The following ARHGAP29 variants were observed in gnomAD, a reference collection of about 807,000 sequenced individuals.
ARHGAP29 encodes the protein Rho GTPase activating protein 29.
Under a neutral mutation model 122.6 loss-of-function variants are expected in ARHGAP29, and 43 were observed. That is an observed-to-expected ratio of 0.35 (90% CI 0.27 to 0.45). ARHGAP29 has a LOEUF of 0.45. Among genes scored for constraint, ARHGAP29 ranks in the 20% least tolerant of loss-of-function variants. ARHGAP29 has a pLI of 1.00. For missense variants in ARHGAP29, 1,303 were observed against 1,477.2 expected, an observed-to-expected ratio of 0.88 and a Z score of 1.93; for synonymous variants, 506 against 497.1, an observed-to-expected ratio of 1.02 and a Z score of -0.24.
chr1:94,217,754 TG>T (rs1652034480), intron 3 of ARHGAP29, among the ~76,000 whole-genome samples: 1 of 151,842 alleles, frequency 6.6e-6, no homozygotes, highest in South Asian at 2.1e-4. Flanking sequence ...GACACTGAGG[TG>T]GGAGGATTGC....
Position 94,185,482 on chromosome 1 carries a change from C to CAATG in ARHGAP29, c.1781-2_1781-1insCATT. On this transcript the variant is annotated splice_acceptor_variant, in intron 16 of 22. Coordinates refer to ENST00000260526, the MANE Select transcript of ARHGAP29 (RefSeq NM_004815.4). LOFTEE classifies it high-confidence loss of function. Reference sequence around the variant, plus strand: ...TTAAATGTTCCAAGGGAATTGGGTCCTTGCAAGAGAAATAATTTACAAAAA... The same window carrying CAATG: ...TTAAATGTTCCAAGGGAATTGGGTCCAATGTTGCAAGAGAAATAATTTACAAAAA... The CAATG allele has an allele frequency of 6.3e-7, 1 of 1,587,266 alleles. No individual in the cohort carries two copies. Among genetic ancestry groups the CAATG allele is most frequent in the Non-Finnish European group, 8.5e-7 (1 of 1,170,164 alleles).
At chr1:94,246,495 A>G (rs1297344191) in intron 1 of ARHGAP29, among the ~76,000 whole-genome samples, 1 of 152,154 alleles carries the variant, frequency 6.6e-6, no homozygotes, top group African/African-American at 2.4e-5. Context: ...ATCTCCTAAC[A>G]TTCCCCTTCC....
At chr1:94,285,219 T>C in the ARHGAP29 span, among the ~76,000 whole-genome samples, 8 of 152,118 alleles carry the variant, frequency 5.3e-5, no homozygotes, top group Admixed American at 4.6e-4. Context: ...GACAGTGTGT[T>C]TTGTTGACTG....
chr1:94,175,863 C>A (rs1402778722), intron 22 of ARHGAP29, among the ~76,000 whole-genome samples: 1 of 152,022 alleles, frequency 6.6e-6, no homozygotes, highest in Non-Finnish European at 1.5e-5. Context: ...TGCTACCATG[C>A]CCAGATAATT....
intron 22 of ARHGAP29, 130 bp downstream of exon 22, chr1:94,177,482 C>A: frequency 1.7e-6 from 1 of 587,982 alleles, no homozygotes; most frequent in Non-Finnish European, 2.8e-6. Context: ...CAATGGCTAG[C>A]CAAGATTTGT....
upstream of ARHGAP29, among the ~76,000 whole-genome samples, chr1:94,241,123 A>C (rs1653555470): frequency 6.6e-6 from 1 of 152,222 alleles, no homozygotes. Context: ...CAATAGTGTC[A>C]AGGTGAAACA....
At chr1:94,265,084 G>T (rs146867971) in intron 1 of ARHGAP29, among the ~76,000 whole-genome samples, 13 of 152,328 alleles carry the variant, frequency 8.5e-5, no homozygotes, top group Admixed American at 3.9e-4. Context: ...ATGGCAGTTT[G>T]CCAGCTGCAT....
chr1:94,227,795 G>A (rs952811624), intron 2 of ARHGAP29, among the ~76,000 whole-genome samples: 1 of 151,742 alleles, frequency 6.6e-6, no homozygotes, highest in African/African-American at 2.4e-5. Flanking sequence ...CCATAAACCT[G>A]AATTGGTACT....
At chr1:94,305,501 T>C in the ARHGAP29 span, among the ~76,000 whole-genome samples, 1 of 152,106 alleles carries the variant, frequency 6.6e-6, no homozygotes, top group African/African-American at 2.4e-5. Context: ...TTCAGACCAT[T>C]TGGGCAGATG....
intron 1 of ARHGAP29, among the ~76,000 whole-genome samples, chr1:94,267,819 G>T (rs1455587050): frequency 6.6e-6 from 1 of 152,002 alleles, no homozygotes; most frequent in Non-Finnish European, 1.5e-5. Context: ...CAGGAAAAAG[G>T]CTTAACACTG....
At chr1:94,233,128 T>A (rs1043624961) in intron 1 of ARHGAP29, among the ~76,000 whole-genome samples, 1 of 152,000 alleles carries the variant, frequency 6.6e-6, no homozygotes, top group Non-Finnish European at 1.5e-5. Context: ...AAAAAATTTT[T>A]TTTTTGTAGA....
chr1:94,221,581 G>A (rs1359875289), intron 2 of ARHGAP29, among the ~76,000 whole-genome samples: 2 of 149,378 alleles, frequency 1.3e-5, no homozygotes, highest in Non-Finnish European at 1.5e-5. Flanking sequence ...ACACATTTCT[G>A]TATGACTACA....
chr1:94,230,807 A>C (rs1652879590), intron 2 of ARHGAP29, among the ~76,000 whole-genome samples: 1 of 151,910 alleles, frequency 6.6e-6, no homozygotes, highest in Non-Finnish European at 1.5e-5. Flanking sequence ...AAAGACAGGT[A>C]CTAAGAACAA....
chr1:94,239,841 A>G (rs1653509295), upstream of ARHGAP29, among the ~76,000 whole-genome samples: 1 of 152,184 alleles, frequency 6.6e-6, no homozygotes, highest in Admixed American at 6.5e-5. Context: ...TATTTTTCAG[A>G]CTTAATTTTT....
At chr1:94,293,316 G>A in the ARHGAP29 span, among the ~76,000 whole-genome samples, 14 of 152,330 alleles carry the variant, frequency 9.2e-5, no homozygotes, top group African/African-American at 2.9e-4. Flanking sequence ...CTGGTCTGCC[G>A]GTTGCAAAGA....
chr1:94,179,964 A>G lies in ARHGAP29; in HGVS notation c.2248-7T>C, dbSNP rs893893374. 6.4e-7 allele frequency: 1 copy of G among 1,570,448 alleles called. No individual in the cohort carries two copies. The highest frequency in any genetic ancestry group is 1.9e-5 in the Admixed American group (1 of 53,232). On this transcript the variant is annotated splice_region_variant and splice_polypyrimidine_tract_variant and intron_variant, in intron 19 of 22. Transcript: ENST00000260526. ...AAATAAATGGTTCTGGGAGCTAAAG[A>G]AATAAAATTACATTGGGGTAAGCAT...
chr1:94,264,505 C>T (rs1654684672), intron 1 of ARHGAP29, among the ~76,000 whole-genome samples: 1 of 152,152 alleles, frequency 6.6e-6, no homozygotes, highest in African/African-American at 2.4e-5. Flanking sequence ...AGTGGTTCTC[C>T]CTAATGCCCC....
chr1:94,257,605 G>A (rs1331172391), intron 1 of ARHGAP29, among the ~76,000 whole-genome samples: 1 of 152,076 alleles, frequency 6.6e-6, no homozygotes, highest in Non-Finnish European at 1.5e-5. Flanking sequence ...AGCTACTTGG[G>A]AAGCTAAAGT....
intron 3 of ARHGAP29, among the ~76,000 whole-genome samples, chr1:94,219,439 C>A (rs1307222782): frequency 6.6e-6 from 1 of 152,152 alleles, no homozygotes; most frequent in Non-Finnish European, 1.5e-5. Context: ...ATCTTCAACA[C>A]CGAACTTCTC....
Sources: allele counts gnomAD v4.1 joint callset (sites outside exome capture counted in the v4.1 genomes callset), GRCh38; gene constraint gnomAD v4.1.1; transcripts MANE v1.5; gene names NCBI Gene and HGNC (gene_info 2026-07-23, HGNC 2026-07-21).